PLEKHG6: variants seen among roughly 807,000 people sequenced by gnomAD.
PLEKHG6 encodes the protein pleckstrin homology and RhoGEF domain containing G6, also known as pleckstrin homology domain-containing family G member 6.
Under a neutral mutation model 97.5 loss-of-function variants are expected in PLEKHG6, and 91 were observed. The observed-to-expected ratio is 0.93, with a 90% CI of 0.79 to 1.11. PLEKHG6 has a LOEUF of 1.11. PLEKHG6 is among the 50% of genes most tolerant of loss of function. The probability of loss-of-function intolerance (pLI) is 0.00; values close to 1 mark genes in which losing one functional copy is unlikely to be tolerated. For synonymous variants in PLEKHG6, 466 were observed against 425.5 expected, an observed-to-expected ratio of 1.10 and a Z score of -1.17; for missense variants, 1,044 against 1,031.0, an observed-to-expected ratio of 1.01 and a Z score of -0.17.
intron 13 of PLEKHG6, among the ~76,000 whole-genome samples, chr12:6,321,806 G>A (rs1488348018): frequency 1.1e-4 from 14 of 129,732 alleles, no homozygotes; most frequent in Non-Finnish European, 1.9e-4. Flanking sequence ...CAGCCTGGGC[G>A]ACAGAGCGAG....
chr12:6,326,642 T>C (rs2136792715), intron 14 of PLEKHG6, 69 bp downstream of exon 14: 1 of 1,333,616 alleles, frequency 7.5e-7, no homozygotes. Context: ...AGAAATGGCA[T>C]TACTGCACAT....
intron 13 of PLEKHG6, among the ~76,000 whole-genome samples, chr12:6,325,710 T>G (rs139377047): frequency 1.3e-5 from 2 of 152,280 alleles, no homozygotes; most frequent in African/African-American, 4.8e-5. Context: ...TTCAGAACAC[T>G]TATTCTACCA....
chr12:6,315,442 G>A lies in PLEKHG6; in HGVS notation c.460-112G>A. The A allele has an allele frequency of 1.3e-6, 1 of 742,028 alleles. No individual in the cohort carries two copies. Among genetic ancestry groups the A allele is most frequent in the South Asian group, 1.9e-5 (1 of 53,634 alleles). 46.0% of individuals were successfully genotyped at this position (742,028 alleles called of 1,614,324 possible). A position where few individuals can be genotyped will look rare whatever the true frequency, so the allele number is the denominator to read the frequency against. On this transcript the variant is annotated intron_variant, in intron 4 of 15. Coordinates refer to ENST00000684764, the MANE Select transcript of PLEKHG6 (RefSeq NM_001384598.1). This position sits in a 1 kb window ranked among gnomAD's most constrained non-coding sequence, Gnocchi z 4.5. ...CTGGTTTGAGGATTAAAAGGTCATG[G>A]TCATGCACAAAGTGCCTAGAACCTA...
intron 15 of PLEKHG6, 43 bp downstream of exon 15, chr12:6,327,989 G>A (rs1592040780): frequency 6.6e-7 from 1 of 1,513,964 alleles, no homozygotes; most frequent in South Asian, 1.3e-5. Context: ...GGCAGACGGG[G>A]ATGTCTGTAT....
At position 6,316,454 on chromosome 12, in the gene PLEKHG6, CG is replaced by C; in HGVS notation, c.756+55del. On this transcript the variant is annotated intron_variant, in intron 7 of 15. Transcript: ENST00000684764. The surrounding 1 kb of genome is among the most constrained non-coding windows in gnomAD (Gnocchi z 4.1). ...TGGATGGGGCAGGACTCGGAGCCCT[CG>C]GGGGTCCTGTGTGTAGGGCATGCCC... 1 of 1,500,576 alleles carries C rather than the reference CG, an allele frequency of 6.7e-7. No homozygotes were observed. The highest frequency in any genetic ancestry group is 9.0e-7 in the Non-Finnish European group (1 of 1,114,768). The allele number at this position is 1,500,576 out of a possible 1,614,324, so 93.0% of individuals were successfully genotyped here. A position where few individuals can be genotyped will look rare whatever the true frequency, so the allele number is the denominator to read the frequency against.
At chr12:6,312,088 G>C in intron 1 of PLEKHG6, 71 bp from the exon 2 acceptor site, 1 of 634,960 alleles carries the variant, frequency 1.6e-6, no homozygotes. Context: ...CCCCCTACCA[G>C]CCTTGGTCTC....
At chr12:6,327,093 A>C (rs756455048) in intron 14 of PLEKHG6, among the ~76,000 whole-genome samples, 161 bp from the exon 15 acceptor site, 1 of 152,344 alleles carries the variant, frequency 6.6e-6, no homozygotes, top group Non-Finnish European at 1.5e-5. Context: ...TTAGGAGCTT[A>C]AAATCTAGCC....
At chr12:6,322,853 C>T (rs1947745161) in intron 13 of PLEKHG6, among the ~76,000 whole-genome samples, 1 of 151,938 alleles carries the variant, frequency 6.6e-6, no homozygotes, top group African/African-American at 2.4e-5. Context: ...TGCACTACAA[C>T]CCAGACAACA....
intron 13 of PLEKHG6, among the ~76,000 whole-genome samples, chr12:6,324,084 A>AG (rs373008500): frequency 6.6e-6 from 1 of 152,012 alleles, no homozygotes; most frequent in East Asian, 1.9e-4. Context: ...TCAGTTTTGT[A>AG]GGGGGGTCAC....
Position 6,318,303 on chromosome 12 carries a change from C to T in PLEKHG6, c.1158C>T (p.Asn386=). The change falls in exon 11 of 16, where the codon AAC becomes AAT. Residue 386 remains asparagine, a splice_region_variant and synonymous_variant. Transcript: ENST00000684764. ...LEPPSDEVEK[N]LRPFSTLDLT... ...CCCCTCCCCTCTGTGTCCCTCAGAA[C>T]CTGCGCCCATTCTCCACCCTGGACC... 1 of 1,614,052 alleles carries T rather than the reference C, an allele frequency of 6.2e-7. No individual in the cohort carries two copies. Among genetic ancestry groups the T allele is most frequent in the South Asian group, 1.1e-5 (1 of 91,084 alleles).
rs1256126038 is a variant in PLEKHG6 at position 6,318,014 on chromosome 12, G to C, written c.1155+20G>C. The C allele has an allele frequency of 6.4e-7, 1 of 1,573,990 alleles. No homozygotes were observed. ...GAGAAGGTGAGAGGGCAAAGGGAAGGGACCCAGGAAAAGCAAGGTCCCAGG... is the reference window on the plus strand; with the variant it reads ...GAGAAGGTGAGAGGGCAAAGGGAAGCGACCCAGGAAAAGCAAGGTCCCAGG... On this transcript the variant is annotated intron_variant, in intron 10 of 15. Coordinates refer to ENST00000684764, the MANE Select transcript of PLEKHG6 (RefSeq NM_001384598.1).
intron 13 of PLEKHG6, 85 bp from the exon 14 acceptor site, chr12:6,326,343 T>C (rs1592037096): frequency 1.2e-6 from 1 of 827,268 alleles, no homozygotes; most frequent in Non-Finnish European, 2.0e-6. Flanking sequence ...TAAGGTAATA[T>C]ATGTAACGCA....
At chr12:6,314,927 C>A in intron 3 of PLEKHG6, 78 bp from the exon 4 acceptor site, 1 of 1,394,336 alleles carries the variant, frequency 7.2e-7, no homozygotes, top group Non-Finnish European at 1.0e-6. Flanking sequence ...CACATGCACA[C>A]ACACACAGCC....
In PLEKHG6 at chr12:6,313,790, G is replaced by C. The variant is rs772661130; in HGVS notation, c.294+6G>C. Reference sequence around the variant, plus strand: ...TTCACTCCCCCAAACTCAAGGTAAGGGGGTCCCTCTCCTCCCATCCCCACA... The same window carrying C: ...TTCACTCCCCCAAACTCAAGGTAAGCGGGTCCCTCTCCTCCCATCCCCACA... On this transcript the variant is annotated splice_donor_region_variant and intron_variant, in intron 3 of 15. Transcript: ENST00000684764. 6.4e-7 allele frequency: 1 copy of C among 1,563,004 alleles called. No homozygotes were observed. The highest frequency in any genetic ancestry group is 2.3e-5 in the East Asian group (1 of 44,260).
chr12:6,318,606 G>A (rs532982540), intron 11 of PLEKHG6, 139 bp from the exon 12 acceptor site: 24 of 1,156,292 alleles, frequency 2.1e-5, no homozygotes, highest in Middle Eastern at 2.3e-4. Context: ...TGACCAAAGC[G>A]ACGCCCCTGG....
chr12:6,326,603 C>T, intron 14 of PLEKHG6, 30 bp downstream of exon 14: 1 of 1,429,238 alleles, frequency 7.0e-7, no homozygotes, highest in Non-Finnish European at 9.2e-7. Flanking sequence ...CAAGGTCTCC[C>T]CGAGCAGGAG....
intron 1 of PLEKHG6, among the ~76,000 whole-genome samples, chr12:6,311,931 G>C (rs935384746): frequency 6.6e-6 from 1 of 152,142 alleles, no homozygotes; most frequent in Non-Finnish European, 1.5e-5. Flanking sequence ...ATGTGAGAGA[G>C]GAGGTACATC....
At position 6,316,940 on chromosome 12, in the gene PLEKHG6, CTTAG is replaced by C. The variant is rs1480773434; in HGVS notation, c.757-362_757-359del. 6.6e-6 allele frequency among the ~76,000 whole-genome samples: 1 copy of C among 152,188 alleles called. No homozygotes were observed. Among genetic ancestry groups the C allele is most frequent in the Non-Finnish European group, 1.5e-5 (1 of 68,028 alleles). ...TAGGAGCAAGGCTTCTGAGCCAACT[CTTAG>C]GTCGCCACCCCACCCCCAGGGTGAA... On this transcript the variant is annotated intron_variant, in intron 7 of 15. Transcript: ENST00000684764. The surrounding 1 kb of genome is among the most constrained non-coding windows in gnomAD (Gnocchi z 4.1).
intron 11 of PLEKHG6, 139 bp downstream of exon 11, chr12:6,318,559 G>A: frequency 1.6e-6 from 2 of 1,258,858 alleles, no homozygotes; most frequent in Non-Finnish European, 2.2e-6. Flanking sequence ...GTGTGACCCT[G>A]AGCCAGCCAC....
Sources: allele counts gnomAD v4.1 joint callset (sites outside exome capture counted in the v4.1 genomes callset), GRCh38; gene constraint gnomAD v4.1.1; non-coding constraint Gnocchi (gnomAD v3.1); transcripts MANE v1.5; gene names NCBI Gene and HGNC (gene_info 2026-07-23, HGNC 2026-07-21).